Variants in EPHB1 observed in about 807,000 individuals in gnomAD.
EPHB1 encodes the protein EPH receptor B1, also known as ephrin type-B receptor 1.
EPHB1 carries 30 observed loss-of-function variants against 94.4 expected under a neutral mutation model. The ratio of observed to expected loss-of-function variants is 0.32; its 90% CI spans 0.24 to 0.43. The LOEUF is 0.43. Ranked by LOEUF, EPHB1 falls within the 20% of genes least tolerant of loss-of-function variation. The probability of loss-of-function intolerance (pLI) is 1.00; values close to 1 mark genes in which losing one functional copy is unlikely to be tolerated. For synonymous variants in EPHB1, 522 were observed against 489.1 expected, an observed-to-expected ratio of 1.07 and a Z score of -0.89; for missense variants, 1,055 against 1,308.3, an observed-to-expected ratio of 0.81 and a Z score of 2.99.
At chr3:135,248,051 C>T (rs1005992813) in intron 13 of EPHB1, among the ~76,000 whole-genome samples, 3 of 152,192 alleles carry the variant, frequency 2.0e-5, no homozygotes, top group African/African-American at 7.2e-5. Flanking sequence ...CAAACATTTA[C>T]AGAGGTCCAT....
chr3:135,195,036 G>C (rs1210825731), intron 11 of EPHB1, among the ~76,000 whole-genome samples: 1 of 152,160 alleles, frequency 6.6e-6, no homozygotes, highest in Non-Finnish European at 1.5e-5. Context: ...CATGAAGACA[G>C]TTGAATAAAC....
chr3:134,964,293 A>G (rs997103973), intron 3 of EPHB1, among the ~76,000 whole-genome samples: 5 of 152,234 alleles, frequency 3.3e-5, no homozygotes, highest in African/African-American at 1.2e-4. Flanking sequence ...GGCAGTAACC[A>G]GTGATGGCAG....
intron 12 of EPHB1, among the ~76,000 whole-genome samples, chr3:135,204,879 T>C (rs987077990): frequency 9.2e-6 from 1 of 108,558 alleles, no homozygotes; most frequent in Non-Finnish European, 1.9e-5. Context: ...CTAGGTTTTA[T>C]TCTTTTTTTT....
intron 1 of EPHB1, among the ~76,000 whole-genome samples, chr3:134,915,146 C>T (rs184457514): frequency 3.3e-5 from 5 of 152,288 alleles, no homozygotes; most frequent in Middle Eastern, 3.4e-3. Context: ...AGTGTCCTAA[C>T]CCTCTTGTAA....
Position 135,004,912 on chromosome 3 carries a change from C to T in EPHB1, c.805+52860C>T, listed in dbSNP as rs565005073. Among the ~76,000 whole-genome samples the T allele has an allele frequency of 4.1e-3, 628 of 152,218 alleles. 5 individuals carry two copies. The highest frequency in any genetic ancestry group is 0.014 in the African/African-American group (595 of 41,524). On this transcript the variant is annotated intron_variant, in intron 3 of 15. Transcript: ENST00000398015. Reference sequence around the variant, plus strand: ...CTTTGCCTTTGGTTTGAATGTCCTCCCATAGCTCAGAGTAATTTGATCGTC... The same window carrying T: ...CTTTGCCTTTGGTTTGAATGTCCTCTCATAGCTCAGAGTAATTTGATCGTC...
At chr3:135,110,303 A>G (rs1576392404) in intron 4 of EPHB1, among the ~76,000 whole-genome samples, 1 of 152,008 alleles carries the variant, frequency 6.6e-6, no homozygotes, top group Non-Finnish European at 1.5e-5. Flanking sequence ...TGCAGTTTTG[A>G]TCATAGAAAT....
At chr3:135,052,890 A>AAAAAAATAT (rs1553726757) in intron 3 of EPHB1, among the ~76,000 whole-genome samples, 18 of 54,606 alleles carry the variant, frequency 3.3e-4, no homozygotes, top group African/African-American at 8.6e-4. Context: ...AAAAAAAAAA[A>AAAAAAATAT]ATATATATAT....
chr3:135,004,182 T>C (rs1935299099), intron 3 of EPHB1, among the ~76,000 whole-genome samples: 1 of 151,836 alleles, frequency 6.6e-6, no homozygotes, highest in South Asian at 2.1e-4. Flanking sequence ...AGCATTTGCT[T>C]GTCTGTAAAG....
At chr3:134,938,036 G>A (rs555478584) in intron 2 of EPHB1, among the ~76,000 whole-genome samples, 2 of 152,074 alleles carry the variant, frequency 1.3e-5, no homozygotes, top group South Asian at 2.1e-4. Context: ...AGAGACCCAG[G>A]AGGGGCAGCC....
intron 1 of EPHB1, among the ~76,000 whole-genome samples, chr3:134,817,287 C>T (rs2036289949): frequency 6.6e-6 from 1 of 152,226 alleles, no homozygotes; most frequent in African/African-American, 2.4e-5. Flanking sequence ...CATTTTCTCT[C>T]CTCTGTAGAA....
chr3:134,856,172 G>A (rs2037112375), intron 1 of EPHB1, among the ~76,000 whole-genome samples: 1 of 152,216 alleles, frequency 6.6e-6, no homozygotes, highest in African/African-American at 2.4e-5. Flanking sequence ...GGTTGGGAAA[G>A]GTTGTGAGGT....
chr3:135,208,620 C>T (rs764738047), intron 12 of EPHB1, among the ~76,000 whole-genome samples: 1 of 151,992 alleles, frequency 6.6e-6, no homozygotes, highest in Non-Finnish European at 1.5e-5. Context: ...AAGCTATATA[C>T]AGGGAGATTT....
At chr3:134,988,107 C>T (rs138114662) in intron 3 of EPHB1, among the ~76,000 whole-genome samples, 52 of 152,268 alleles carry the variant, frequency 3.4e-4, no homozygotes, top group African/African-American at 1.1e-3. Context: ...TCTCAGTTGG[C>T]ATCCATTAAG....
At position 135,249,511 on chromosome 3, in the gene EPHB1, C is replaced by G. The variant is rs761858616; in HGVS notation, c.2846+20C>G. Reference sequence around the variant, plus strand: ...ATCAGAGTAAGTGATGAGAATCTCTCTGTCCAGACCACACCTAGGGGTCAG... The same window carrying G: ...ATCAGAGTAAGTGATGAGAATCTCTGTGTCCAGACCACACCTAGGGGTCAG... On this transcript the variant is annotated intron_variant, in intron 15 of 15. Coordinates refer to ENST00000398015, the MANE Select transcript of EPHB1 (RefSeq NM_004441.5). 3.1e-6 allele frequency: 5 copies of G among 1,606,832 alleles called. No homozygotes were observed. Among genetic ancestry groups the G allele is most frequent in the Non-Finnish European group, 4.3e-6 (5 of 1,175,828 alleles).
At chr3:134,870,208 G>A (rs898456774) in intron 1 of EPHB1, among the ~76,000 whole-genome samples, 16 of 152,272 alleles carry the variant, frequency 1.1e-4, no homozygotes, top group African/African-American at 3.6e-4. Flanking sequence ...AAAGTCCAGA[G>A]AGAGGCAAGA....
intron 9 of EPHB1, among the ~76,000 whole-genome samples, chr3:135,167,571 A>C (rs1347010347): frequency 1.3e-5 from 2 of 152,162 alleles, no homozygotes; most frequent in South Asian, 4.1e-4. Context: ...TAATATTTTT[A>C]TAACTAAAAT....
chr3:135,154,245 T>G lies in EPHB1; in HGVS notation c.1391T>G (p.Ile464Ser), dbSNP rs752653616. ...CAGCCGGAGCAGCCCAATGGCATCA[T>G]CCTGGACTATGAGATCCGGTACTAT... ...WPQPEQPNGI[I>S]LDYEIRYYEK... Residue 464 changes from isoleucine to serine, a missense_variant, in exon 6 of 16, where the codon ATC becomes AGC. Transcript: ENST00000398015. 6.2e-7 allele frequency: 1 copy of G among 1,613,990 alleles called. No individual in the cohort carries two copies. The highest frequency in any genetic ancestry group is 1.1e-5 in the South Asian group (1 of 91,086).
rs529736587 is a variant in EPHB1, at chr3:135,127,756, A to T, written c.962-4958A>T. Among the ~76,000 whole-genome samples, 14 of 152,260 alleles carry T rather than the reference A, an allele frequency of 9.2e-5. No individual in the cohort carries two copies. In the South Asian group the frequency reaches 2.9e-3, roughly 32 times the overall value. The stretch of plus-strand genomic sequence containing the variant: ...TTTAAAAAATCATCTGGCCCAAATC[A>T]CATTAAGAAGCAGGAGATTCTATCT... On this transcript the variant is annotated intron_variant, in intron 4 of 15. Coordinates refer to ENST00000398015, the MANE Select transcript of EPHB1 (RefSeq NM_004441.5).
intron 5 of EPHB1, among the ~76,000 whole-genome samples, chr3:135,144,748 G>A (rs1940953078): frequency 1.3e-5 from 2 of 152,124 alleles, no homozygotes; most frequent in South Asian, 4.2e-4. Flanking sequence ...GTGTGAGACT[G>A]AAGGCCAGGC....
Sources: allele counts gnomAD v4.1 joint callset (sites outside exome capture counted in the v4.1 genomes callset), GRCh38; gene constraint gnomAD v4.1.1; transcripts MANE v1.5; gene names NCBI Gene and HGNC (gene_info 2026-07-23, HGNC 2026-07-21).